Variants in YRDC observed in about 807,000 individuals in gnomAD.
The protein encoded by YRDC is yrdC N6-threonylcarbamoyltransferase domain containing.
In YRDC, 17 loss-of-function variants were observed where a neutral mutation model predicts 21.5. The observed-to-expected ratio is 0.79, with a 90% CI of 0.54 to 1.19. The LOEUF (loss-of-function observed/expected upper bound fraction) is 1.19, where lower values mean the gene tolerates loss of function less well. Ranked by LOEUF, YRDC falls within the 50% of genes most tolerant of loss-of-function variation. The pLI is 0.00. For synonymous variants in YRDC, 193 were observed against 176.7 expected, an observed-to-expected ratio of 1.09 and a Z score of -0.73; for missense variants, 380 against 397.1, an observed-to-expected ratio of 0.96 and a Z score of 0.37.
chr1:37,808,137 G>T lies in YRDC; in HGVS notation c.44C>A (p.Ala15Asp). ...CCCCTCGCTCAACCCCACGCTGGCA[G>T]CCACCGCGGCCCTCATCCCCCTGCA... ...RRCRGMRAAVAASVGLSEGPA... is the reference protein window; with the variant it reads ...RRCRGMRAAVDASVGLSEGPA... The change falls in exon 1 of 5, where the codon GCT (alanine) becomes GAT (aspartate). Residue 15 changes from alanine to aspartate, a missense_variant. This residue lies in a region of YRDC where 91 missense variants were observed against 64.7 expected (regional missense o/e 1.41). Transcript: ENST00000373044. The T allele has an allele frequency of 6.8e-7, 1 of 1,470,070 alleles. No homozygotes were observed. Among genetic ancestry groups the T allele is most frequent in the Non-Finnish European group, 8.9e-7 (1 of 1,117,522 alleles). 91.1% of individuals were successfully genotyped at this position (1,470,070 alleles called of 1,614,324 possible).
intron 3 of YRDC, among the ~76,000 whole-genome samples, chr1:37,805,019 C>T (rs1646725647): frequency 6.6e-6 from 1 of 151,916 alleles, no homozygotes; most frequent in South Asian, 2.1e-4. Flanking sequence ...AATCTCAGCA[C>T]TTTGGGAGGC....
intron 1 of YRDC, 152 bp downstream of exon 1, chr1:37,807,639 AC>A: frequency 7.6e-7 from 1 of 1,311,020 alleles, no homozygotes; most frequent in Non-Finnish European, 9.9e-7. Context: ...GGCCCGGGGC[AC>A]GTTAAGTCCT....
At chr1:37,804,159 C>G in intron 4 of YRDC, 143 bp downstream of exon 4, 1 of 1,435,922 alleles carries the variant, frequency 7.0e-7, no homozygotes. Flanking sequence ...AAACTTAGTC[C>G]CACTGCAACT....
At position 37,808,050 on chromosome 1, in the gene YRDC, C is replaced by T; in HGVS notation, c.131G>A (p.Gly44Asp). 7.6e-7 allele frequency: 1 copy of T among 1,320,820 alleles called. No homozygotes were observed. The highest frequency in any genetic ancestry group is 9.6e-7 in the Non-Finnish European group (1 of 1,040,160). 81.8% of individuals were successfully genotyped at this position (1,320,820 alleles called of 1,614,324 possible). A position where few individuals can be genotyped will look rare whatever the true frequency, so the allele number is the denominator to read the frequency against. Residue 44 changes from glycine (G) to aspartate (D), a missense_variant, in exon 1 of 5, where the codon GGC becomes GAC. Around this residue, in one of 3 missense-constraint regions of YRDC, gnomAD observed 51 missense variants for 95.9 expected, o/e 0.53. Coordinates refer to ENST00000373044, the MANE Select transcript of YRDC (RefSeq NM_024640.4). ...CCCCGGGAGCCGCAACAGCCGGGCG[C>T]CGGGGGCCGCCGGAGCGGGACTCGG... is the stretch of plus-strand genomic sequence containing the variant. ...RPPSPAPAAP[G>D]ARLLRLPGSG...
intron 4 of YRDC, 139 bp from the exon 5 acceptor site, chr1:37,804,136 TA>T: frequency 7.0e-7 from 1 of 1,433,616 alleles, no homozygotes; most frequent in Non-Finnish European, 9.5e-7. Flanking sequence ...TTTTGAATCC[TA>T]AGAAAGCCAG....
In YRDC at chr1:37,808,040, C is replaced by T. The variant is rs1352991691; in HGVS notation, c.141G>A (p.Leu47=). The T allele has an allele frequency of 4.6e-6, 6 of 1,306,336 alleles. No homozygotes were observed. Among genetic ancestry groups the T allele is most frequent in the Non-Finnish European group, 5.8e-6 (6 of 1,031,610 alleles). The allele number at this position is 1,306,336 out of a possible 1,614,324, so 80.9% of individuals were successfully genotyped here. A position where few individuals can be genotyped will look rare whatever the true frequency, so the allele number is the denominator to read the frequency against. The change falls in exon 1 of 5, where the codon CTG becomes CTA. Residue 47 remains leucine, a synonymous_variant. Transcript: ENST00000373044. ...SPAPAAPGAR[L]LRLPGSGAVQ... is the part of the protein sequence containing the mutation. ...CGGCCCCGCTCCCCGGGAGCCGCAA[C>T]AGCCGGGCGCCGGGGGCCGCCGGAG... is the stretch of plus-strand genomic sequence containing the variant.
In YRDC at chr1:37,807,800, G is replaced by A. The variant is rs895187635; in HGVS notation, c.381C>T (p.Asp127=). The change falls in exon 1 of 5, where the codon GAC becomes GAT. Residue 127 remains aspartate, a synonymous_variant. Coordinates refer to ENST00000373044, the MANE Select transcript of YRDC (RefSeq NM_024640.4). ...GGTCGGGGCGGCCTTACCTGTAGAC[G>A]TCGGCCACGCGGCCGAGGCATACGG... ...PLAVCLGRVA[D]VYRYCRVRVP... The A allele has an allele frequency of 2.0e-6, 3 of 1,508,652 alleles. No individual in the cohort carries two copies. Among genetic ancestry groups the A allele is most frequent in the Middle Eastern group, 2.3e-4 (1 of 4,284 alleles). The allele number at this position is 1,508,652 out of a possible 1,614,324, so 93.5% of individuals were successfully genotyped here.
In YRDC at chr1:37,803,895, A is replaced by C; in HGVS notation, c.*30T>G. The C allele has an allele frequency of 6.2e-7, 1 of 1,611,682 alleles. No homozygotes were observed. The highest frequency in any genetic ancestry group is 1.1e-5 in the South Asian group (1 of 90,976). ...GGACAGACACATAGTATCCAGCACC[A>C]GGTCTTGGGCCTTCCTGCTTCCCAG... On this transcript the variant is annotated 3_prime_UTR_variant, in exon 5 of 5. Transcript: ENST00000373044.
chr1:37,805,306 G>T (rs780458692), intron 3 of YRDC, among the ~76,000 whole-genome samples: 1 of 152,126 alleles, frequency 6.6e-6, no homozygotes, highest in Non-Finnish European at 1.5e-5. Flanking sequence ...GTCACTTAAT[G>T]GCTGCGTAAC....
intron 2 of YRDC, 29 bp downstream of exon 2, chr1:37,807,072 C>G (rs1454859267): frequency 1.2e-6 from 2 of 1,614,048 alleles, no homozygotes; most frequent in Admixed American, 1.7e-5. Flanking sequence ...GGCCTGGAGT[C>G]TGGGGACACA....
chr1:37,804,255 C>T, intron 4 of YRDC, 47 bp downstream of exon 4: 1 of 1,588,868 alleles, frequency 6.3e-7, no homozygotes. Context: ...TTGCATCTCT[C>T]CAACCTCCCT....
At chr1:37,806,546 A>G (rs1228216968) in intron 3 of YRDC, among the ~76,000 whole-genome samples, 1 of 152,124 alleles carries the variant, frequency 6.6e-6, no homozygotes, top group African/African-American at 2.4e-5. Context: ...TTTATAGCCT[A>G]ACTGTGTTCT....
intron 3 of YRDC, 86 bp downstream of exon 3, chr1:37,806,771 T>C (rs1409859966): frequency 6.3e-7 from 1 of 1,587,982 alleles, no homozygotes; most frequent in East Asian, 2.2e-5. Flanking sequence ...TGCCTGGCCA[T>C]CCCAGTGTAC....
intron 1 of YRDC, 40 bp downstream of exon 1, chr1:37,807,752 C>T (rs1569827508): frequency 6.9e-7 from 1 of 1,439,676 alleles, no homozygotes; most frequent in Non-Finnish European, 9.1e-7. Context: ...ACCCCTCCCG[C>T]GGTGCCGCCC....
intron 3 of YRDC, among the ~76,000 whole-genome samples, chr1:37,806,622 A>G (rs151230213): frequency 1.3e-5 from 2 of 152,216 alleles, no homozygotes; most frequent in African/African-American, 4.8e-5. Context: ...ATTATTATAA[A>G]GACTGAAGAA....
intron 3 of YRDC, among the ~76,000 whole-genome samples, chr1:37,806,315 C>T (rs1432995960): frequency 1.3e-5 from 2 of 152,126 alleles, no homozygotes; most frequent in African/African-American, 2.4e-5. Context: ...ATTCTCCTGC[C>T]TCAGCCTCCC....
rs1278281712 is a variant in YRDC, at chr1:37,803,042, T to C, written c.*883A>G. 1 of 152,240 alleles carries C rather than the reference T, an allele frequency of 6.6e-6. No homozygotes were observed. Among genetic ancestry groups the C allele is most frequent in the Non-Finnish European group, 1.5e-5 (1 of 68,044 alleles). The allele number at this position is 152,240 out of a possible 1,614,324, so 9.4% of individuals were successfully genotyped here. On this transcript the variant is annotated 3_prime_UTR_variant, in exon 5 of 5. Coordinates refer to ENST00000373044, the MANE Select transcript of YRDC (RefSeq NM_024640.4). ...GTTTAACACTTGGTACACATATAAA[T>C]AGACAAAAGGCTGCGGAGAACACTG...
Position 37,807,808 on chromosome 1 carries a change from C to T in YRDC, c.373G>A (p.Val125Met), listed in dbSNP as rs1398535981. The change falls in exon 1 of 5, where the codon GTG (valine) becomes ATG (methionine). Residue 125 changes from valine (V) to methionine (M), a missense_variant. Coordinates refer to ENST00000373044, the MANE Select transcript of YRDC (RefSeq NM_024640.4). ...CGGCCTTACCTGTAGACGTCGGCCACGCGGCCGAGGCATACGGCCAGAGGC... is the reference window on the plus strand; with the variant it reads ...CGGCCTTACCTGTAGACGTCGGCCATGCGGCCGAGGCATACGGCCAGAGGC... ...AKPLAVCLGRVADVYRYCRVR... is the reference protein window; with the variant it reads ...AKPLAVCLGRMADVYRYCRVR... The T allele has an allele frequency of 2.7e-6, 4 of 1,509,032 alleles. No individual in the cohort carries two copies. Among genetic ancestry groups the T allele is most frequent in the African/African-American group, 1.4e-5 (1 of 70,752 alleles). 93.5% of individuals were successfully genotyped at this position (1,509,032 alleles called of 1,614,324 possible).
chr1:37,804,214 G>A (rs1244146984), intron 4 of YRDC, 88 bp downstream of exon 4: 2 of 1,553,144 alleles, frequency 1.3e-6, no homozygotes, highest in Non-Finnish European at 1.7e-6. Flanking sequence ...GGCAACATAG[G>A]AGGCACCATC....
Sources: gnomAD v4.1 joint callset for allele counts (sites outside exome capture counted in the v4.1 genomes callset) on GRCh38, gnomAD v4.1.1 for gene constraint, gnomAD v4.1.1 regional missense constraint, MANE v1.5 for transcripts, NCBI Gene and HGNC (gene_info 2026-07-23, HGNC 2026-07-21) for gene names.